THEMIS: variants seen among roughly 807,000 people sequenced by gnomAD.
The protein encoded by THEMIS is protein THEMIS.
Under a neutral mutation model 52.6 loss-of-function variants are expected in THEMIS, and 37 were observed. The observed-to-expected ratio is 0.70, with a 90% CI of 0.54 to 0.93. The LOEUF (loss-of-function observed/expected upper bound fraction) is 0.93, where lower values mean the gene tolerates loss of function less well. THEMIS is among the 40% of genes least tolerant of loss of function. The probability of loss-of-function intolerance (pLI) is 0.00; values close to 1 mark genes in which losing one functional copy is unlikely to be tolerated. For missense variants in THEMIS, 808 were observed against 763.1 expected (o/e 1.06, Z -0.69); for synonymous variants, 292 against 272.7 (o/e 1.07, Z -0.70).
chr6:127,727,468 G>T (rs1226752430), intron 4 of THEMIS, among the ~76,000 whole-genome samples: 1 of 152,164 alleles, frequency 6.6e-6, no homozygotes, highest in African/African-American at 2.4e-5. Context: ...GCAGATGACA[G>T]ATGGGAACTG....
rs1301679959 is a variant in THEMIS, at chr6:127,737,757, T to C, written c.1759-17934A>G. The stretch of plus-strand genomic sequence containing the variant: ...GGAGTCATAAACAACTGAGAATTAA[T>C]CAACTCCCTCTTTACTACTAGAGAG... On this transcript the variant is annotated intron_variant, in intron 4 of 5. Transcript: ENST00000368248. 2.6e-5 allele frequency among the ~76,000 whole-genome samples: 4 copies of C among 152,336 alleles called. No homozygotes were observed. The East Asian group carries it at 5.8e-4, about 22-fold the overall frequency.
At chr6:127,909,663 G>A (rs1781362464) in intron 1 of THEMIS, among the ~76,000 whole-genome samples, 1 of 152,040 alleles carries the variant, frequency 6.6e-6, no homozygotes, top group South Asian at 2.1e-4. Context: ...AATATTAACA[G>A]TATATTTAAC....
chr6:127,908,580 T>C (rs771205603), intron 1 of THEMIS, among the ~76,000 whole-genome samples: 3 of 152,162 alleles, frequency 2.0e-5, no homozygotes, highest in Admixed American at 1.3e-4. Context: ...AATTATGCCC[T>C]GACATTTTCC....
intron 1 of THEMIS, among the ~76,000 whole-genome samples, chr6:127,898,540 C>T (rs548831064): frequency 5.3e-5 from 8 of 151,590 alleles, no homozygotes; most frequent in African/African-American, 1.2e-4. Flanking sequence ...CGTTTATACT[C>T]GATGGGAATG....
intron 1 of THEMIS, among the ~76,000 whole-genome samples, chr6:127,890,542 GAAT>G (rs1398961491): frequency 1.3e-5 from 2 of 151,992 alleles, no homozygotes; most frequent in African/African-American, 4.8e-5. Context: ...TGATCATAGT[GAAT>G]AATAACTTAT....
At chr6:127,812,408 T>C (rs1265505233) in intron 4 of THEMIS, among the ~76,000 whole-genome samples, 1 of 152,176 alleles carries the variant, frequency 6.6e-6, no homozygotes, top group Non-Finnish European at 1.5e-5. Context: ...TATTTTTACA[T>C]CTTTCTGCAC....
chr6:127,781,378 T>C (rs967683228), intron 4 of THEMIS, among the ~76,000 whole-genome samples: 1 of 152,114 alleles, frequency 6.6e-6, no homozygotes, highest in Non-Finnish European at 1.5e-5. Flanking sequence ...ACCCACCTTC[T>C]GAAGCCTACT....
At chr6:127,734,868 CAAAAAAAA>C (rs1197660495) in intron 4 of THEMIS, among the ~76,000 whole-genome samples, 32 of 32,940 alleles carry the variant, frequency 9.7e-4, no homozygotes, top group South Asian at 3.4e-3. Context: ...GGCTCTGTCT[CAAAAAAAA>C]AAAAAAAAAA....
Position 127,730,316 on chromosome 6 carries a change from G to A in THEMIS, c.1759-10493C>T, listed in dbSNP as rs1233653548. 4.6e-5 allele frequency among the ~76,000 whole-genome samples: 6 copies of A among 129,910 alleles called. No homozygotes were observed. The East Asian group carries it at 6.8e-4, about 15-fold the overall frequency. 85.2% of individuals were successfully genotyped at this position (129,910 alleles called of 152,430 possible). On this transcript the variant is annotated intron_variant, in intron 4 of 5. Coordinates refer to ENST00000368248, the MANE Select transcript of THEMIS (RefSeq NM_001010923.3). ...GAAAAGAAAAGAAAAGAAAAGAAAA[G>A]AGAAAAAAAGAAAAGAAAAGAAAAG...
chr6:127,879,800 T>C (rs1428235944), intron 1 of THEMIS, among the ~76,000 whole-genome samples: 2 of 152,058 alleles, frequency 1.3e-5, no homozygotes. Context: ...GCTGCTGGAC[T>C]GGATCCTAAC....
chr6:127,907,786 C>T (rs901911683), intron 1 of THEMIS, among the ~76,000 whole-genome samples: 1 of 151,904 alleles, frequency 6.6e-6, no homozygotes, highest in Non-Finnish European at 1.5e-5. Flanking sequence ...TTTGAAATAC[C>T]TTGATCACCA....
chr6:127,854,814 C>A (rs1779561050), intron 2 of THEMIS, among the ~76,000 whole-genome samples: 2 of 151,766 alleles, frequency 1.3e-5, no homozygotes, highest in South Asian at 4.1e-4. Flanking sequence ...GAGATTAATT[C>A]TTAAGTACAA....
the THEMIS span, among the ~76,000 whole-genome samples, chr6:127,703,041 T>G: frequency 9.9e-5 from 10 of 101,146 alleles, 1 homozygote; most frequent in South Asian, 6.6e-4. Context: ...ATGAGTTTTT[T>G]TTTTTTTTTT....
intron 5 of THEMIS, among the ~76,000 whole-genome samples, chr6:127,711,308 G>A (rs1284313624): frequency 6.6e-6 from 1 of 151,958 alleles, no homozygotes; most frequent in Non-Finnish European, 1.5e-5. Context: ...TTCATGATGT[G>A]TGTGAAACAC....
chr6:127,710,297 G>A (rs774860283), intron 5 of THEMIS, among the ~76,000 whole-genome samples: 6 of 151,882 alleles, frequency 4.0e-5, no homozygotes, highest in Non-Finnish European at 5.9e-5. Flanking sequence ...TTTTCTTTGC[G>A]TTTCAGTTCA....
At chr6:127,826,588 T>G (rs1043096044) in intron 3 of THEMIS, among the ~76,000 whole-genome samples, 2 of 152,176 alleles carry the variant, frequency 1.3e-5, no homozygotes, top group Non-Finnish European at 2.9e-5. Context: ...GAAATAATTA[T>G]CAATCTATAT....
intron 4 of THEMIS, among the ~76,000 whole-genome samples, chr6:127,788,568 G>T (rs775302591): frequency 1.3e-5 from 2 of 152,136 alleles, no homozygotes; most frequent in Non-Finnish European, 2.9e-5. Flanking sequence ...CGGACAGTAA[G>T]AAGGTACTCA....
chr6:127,702,721 A>G, the THEMIS span, among the ~76,000 whole-genome samples: 2 of 151,950 alleles, frequency 1.3e-5, no homozygotes, highest in Non-Finnish European at 2.9e-5. Flanking sequence ...AAAGTGGTTT[A>G]TTGGATTTAC....
rs1257732334 is a variant in THEMIS at position 127,916,463 on chromosome 6, C to T, written c.-150+1965G>A. ...GGTGAAGATGATTAATGGTGCCTTC[C>T]TATCCCAACCTCTGTTCACTGCAAT... On this transcript the variant is annotated intron_variant, in intron 1 of 6. Coordinates refer to the THEMIS transcript ENST00000368250. 2.0e-5 allele frequency among the ~76,000 whole-genome samples: 3 copies of T among 152,158 alleles called. No individual in the cohort carries two copies. In the East Asian group the frequency reaches 5.8e-4, roughly 29 times the overall value.
Sources: gnomAD v4.1 joint callset for allele counts (sites outside exome capture counted in the v4.1 genomes callset) on GRCh38, gnomAD v4.1.1 for gene constraint, MANE v1.5 for transcripts, NCBI Gene and HGNC (gene_info 2026-07-23, HGNC 2026-07-21) for gene names.